YTHDC1: variants seen among roughly 807,000 people sequenced by gnomAD.
YTHDC1 encodes the protein YTH domain-containing protein 1.
Under a neutral mutation model 107.0 loss-of-function variants are expected in YTHDC1, and 12 were observed. That is an observed-to-expected ratio of 0.11 (90% CI 0.07 to 0.18). The LOEUF (loss-of-function observed/expected upper bound fraction) is 0.18, where lower values mean the gene tolerates loss of function less well. Among genes scored for constraint, YTHDC1 ranks in the 10% least tolerant of loss-of-function variants. YTHDC1 has a pLI of 1.00. For synonymous variants in YTHDC1, 280 were observed against 289.5 expected (o/e 0.97, Z 0.33); for missense variants, 635 against 898.8 (o/e 0.71, Z 3.75).
At chr4:68,341,587 G>GA (rs796864561) in intron 1 of YTHDC1, among the ~76,000 whole-genome samples, 2,032 of 132,834 alleles carry the variant, frequency 0.015, 29 homozygotes, top group South Asian at 0.031. Flanking sequence ...TTATTAACAA[G>GA]AAAAAAAAAA....
chr4:68,343,043 TAAAC>T (rs1035917978), intron 1 of YTHDC1, among the ~76,000 whole-genome samples: 2 of 152,122 alleles, frequency 1.3e-5, no homozygotes, highest in African/African-American at 4.8e-5. Context: ...ATAACAACAG[TAAAC>T]AAAGATTAGA....
intron 4 of YTHDC1, among the ~76,000 whole-genome samples, chr4:68,334,269 T>C (rs13130895): frequency 0.021 from 3,267 of 152,288 alleles, 57 homozygotes; most frequent in Middle Eastern, 0.051. Context: ...CTTATTTTTA[T>C]ATAAACAATG....
At position 68,313,889 on chromosome 4, in the gene YTHDC1, C is replaced by A. The variant is rs1344815136; in HGVS notation, c.*210G>T. The A allele has an allele frequency of 5.0e-6, 3 of 599,304 alleles. No individual in the cohort carries two copies. In the East Asian group the frequency reaches 8.3e-5, roughly 17 times the overall value. The allele number at this position is 599,304 out of a possible 1,614,324, so 37.1% of individuals were successfully genotyped here. A position where few individuals can be genotyped will look rare whatever the true frequency, so the allele number is the denominator to read the frequency against. ...TTCTGCCCCAATAAAAGTGTCAATT[C>A]AACTGTCAGCTGTGGATTTTTGGCG... On this transcript the variant is annotated 3_prime_UTR_variant, in exon 17 of 17. Coordinates refer to ENST00000344157, the MANE Select transcript of YTHDC1 (RefSeq NM_001031732.4).
At chr4:68,346,536 C>A (rs941181656) in intron 1 of YTHDC1, among the ~76,000 whole-genome samples, 1 of 152,092 alleles carries the variant, frequency 6.6e-6, no homozygotes, top group Admixed American at 6.5e-5. Flanking sequence ...TTAAATTGTG[C>A]GCTAAGTAGT....
chr4:68,329,866 T>C lies in YTHDC1; in HGVS notation c.1349+136A>G, dbSNP rs142366178. The C allele has an allele frequency of 5.6e-4, 349 of 623,706 alleles. 1 individual carries two copies. In the East Asian group the frequency reaches 8.7e-3, roughly 15 times the overall value. 38.6% of individuals were successfully genotyped at this position (623,706 alleles called of 1,614,324 possible). A position where few individuals can be genotyped will look rare whatever the true frequency, so the allele number is the denominator to read the frequency against. ...AACTTTAGACTAAATACGCCTTTGT[T>C]GTGTCCCACATTAGATAAAGGTAGT... On this transcript the variant is annotated intron_variant, in intron 9 of 16. Transcript: ENST00000344157.
chr4:68,329,053 G>T (rs1024332002), intron 9 of YTHDC1, among the ~76,000 whole-genome samples: 2 of 152,152 alleles, frequency 1.3e-5, no homozygotes, highest in Admixed American at 1.3e-4. Flanking sequence ...GTGACTGTAT[G>T]CTATTTGTAA....
chr4:68,311,456 C>G lies in YTHDC1; in HGVS notation c.*2643G>C, dbSNP rs1294736121. On this transcript the variant is annotated 3_prime_UTR_variant, in exon 17 of 17. Transcript: ENST00000344157. ...CTGAATTTTCTGTTTTTCATCTGAA[C>G]ACATCATACTAATGTAGATTGTTAG... The G allele has an allele frequency of 6.6e-6, 1 of 152,156 alleles. No homozygotes were observed. The highest frequency in any genetic ancestry group is 1.5e-5 in the Non-Finnish European group (1 of 68,038). The allele number at this position is 152,156 out of a possible 1,614,324, so 9.4% of individuals were successfully genotyped here.
At chr4:68,326,811 G>C (rs1219095002) in intron 9 of YTHDC1, among the ~76,000 whole-genome samples, 1 of 151,408 alleles carries the variant, frequency 6.6e-6, no homozygotes, top group East Asian at 2.0e-4. Context: ...TGCTAGTCTC[G>C]AACTCCTGGC....
chr4:68,331,426 T>C (rs1723566489), intron 7 of YTHDC1, among the ~76,000 whole-genome samples: 1 of 152,140 alleles, frequency 6.6e-6, no homozygotes, highest in African/African-American at 2.4e-5. Context: ...GAAATATCAT[T>C]AGAGAAATGT....
chr4:68,349,644 A>ACCCC, intron 1 of YTHDC1, 82 bp downstream of exon 1: 4 of 142,100 alleles, frequency 2.8e-5, no homozygotes, highest in South Asian at 4.5e-5. Context: ...CCCACCCCCC[A>ACCCC]CCCCCAACGA....
chr4:68,337,914 T>TG lies in YTHDC1; in HGVS notation c.131-15dup, dbSNP rs1724391735. The TG allele has an allele frequency of 1.3e-6, 2 of 1,571,748 alleles. No individual in the cohort carries two copies. The highest frequency in any genetic ancestry group is 1.7e-6 in the Non-Finnish European group (2 of 1,168,916). ...TTCTTTTTGATCCTTTAAAATACAA[T>TG]GTAAAAAAAAAAAAAAGAAGTATTT... On this transcript the variant is annotated splice_polypyrimidine_tract_variant and intron_variant, in intron 2 of 16. Coordinates refer to ENST00000344157, the MANE Select transcript of YTHDC1 (RefSeq NM_001031732.4).
chr4:68,328,868 C>G (rs996940192), intron 9 of YTHDC1, among the ~76,000 whole-genome samples: 1 of 152,172 alleles, frequency 6.6e-6, no homozygotes, highest in Non-Finnish European at 1.5e-5. Context: ...GCCTACAAAT[C>G]TGCACAGCAT....
chr4:68,324,865 T>C (rs1722811228), intron 9 of YTHDC1, among the ~76,000 whole-genome samples: 1 of 152,180 alleles, frequency 6.6e-6, no homozygotes, highest in African/African-American at 2.4e-5. Flanking sequence ...ATTTAAATAC[T>C]AAAAACCTGG....
rs947639995 is a variant in YTHDC1, at chr4:68,343,260, G to A, written c.29-4876C>T. On this transcript the variant is annotated intron_variant, in intron 1 of 16. Transcript: ENST00000344157. ...GTCACCCAGGCTGGAGTGCAGTGGC[G>A]CAATCTGGGATCACTGCAACCTCCA... is the stretch of plus-strand genomic sequence containing the variant. 7.3e-5 allele frequency among the ~76,000 whole-genome samples: 11 copies of A among 150,698 alleles called. No individual in the cohort carries two copies. In the East Asian group the frequency reaches 7.9e-4, roughly 11 times the overall value.
At chr4:68,314,427 AAAAAG>A (rs1337521770) in intron 16 of YTHDC1, 104 bp from the exon 17 acceptor site, 16 of 989,594 alleles carry the variant, frequency 1.6e-5, no homozygotes, top group African/African-American at 1.5e-4. Context: ...TAAAATATAA[AAAAAG>A]AAAAGTCTCT....
intron 12 of YTHDC1, among the ~76,000 whole-genome samples, chr4:68,319,554 A>C (rs1722221185): frequency 6.6e-6 from 1 of 152,278 alleles, no homozygotes; most frequent in Admixed American, 6.5e-5. Context: ...ACTAACATCA[A>C]TCTCCTAACT....
At chr4:68,314,613 T>C (rs1721613921) in intron 16 of YTHDC1, among the ~76,000 whole-genome samples, 2 of 152,180 alleles carry the variant, frequency 1.3e-5, no homozygotes. Flanking sequence ...GACTTTTCCA[T>C]CTGATCCCTT....
intron 7 of YTHDC1, among the ~76,000 whole-genome samples, chr4:68,331,338 G>A (rs767740554): frequency 4.6e-5 from 7 of 152,066 alleles, no homozygotes; most frequent in Non-Finnish European, 1.0e-4. Flanking sequence ...AACAGAATAA[G>A]GCTATTTGGT....
intron 1 of YTHDC1, among the ~76,000 whole-genome samples, chr4:68,339,250 T>G (rs368466697): frequency 6.6e-6 from 1 of 152,158 alleles, no homozygotes; most frequent in Non-Finnish European, 1.5e-5. Flanking sequence ...TAATGTTCTA[T>G]GCAAAATGGA....
Sources: gnomAD v4.1 joint callset for allele counts (sites outside exome capture counted in the v4.1 genomes callset) on GRCh38, gnomAD v4.1.1 for gene constraint, MANE v1.5 for transcripts, NCBI Gene and HGNC (gene_info 2026-07-23, HGNC 2026-07-21) for gene names.